The following AHR variants were observed in gnomAD, a reference collection of about 807,000 sequenced individuals.
AHR encodes AH-receptor.
A neutral mutation model predicts 86.8 loss-of-function variants in AHR; 40 were observed. The observed-to-expected ratio is 0.46, with a 90% confidence interval of 0.36 to 0.60. The LOEUF (loss-of-function observed/expected upper bound fraction) is 0.60, where lower values mean the gene tolerates loss of function less well. Ranked by LOEUF, AHR falls within the 20% of genes least tolerant of loss-of-function variation. AHR has a pLI of 0.00. For missense variants in AHR, 1,001 were observed against 1,011.6 expected (o/e 0.99, Z 0.14); for synonymous variants, 398 against 354.9 (o/e 1.12, Z -1.37).
chr7:17,299,379 G>T, intron 1 of AHR, 50 bp downstream of exon 1: 1 of 1,595,656 alleles, frequency 6.3e-7, no homozygotes, highest in South Asian at 1.1e-5. Context: ...GCTCAGGCAC[G>T]CGGGTGCGGG....
intron 2 of AHR, among the ~76,000 whole-genome samples, chr7:17,312,855 G>C (rs1032880019): frequency 6.6e-6 from 1 of 152,188 alleles, no homozygotes; most frequent in South Asian, 2.1e-4. Context: ...GCATGCCCCT[G>C]CTGATAACAA....
chr7:17,315,891 T>C (rs1039199313), intron 2 of AHR, among the ~76,000 whole-genome samples: 1 of 152,128 alleles, frequency 6.6e-6, no homozygotes, highest in African/African-American at 2.4e-5. Context: ...GTTTATTTGC[T>C]TATGGCTGGA....
chr7:17,308,237 G>A lies in AHR; in HGVS notation c.66-1699G>A, dbSNP rs183283948. On this transcript the variant is annotated intron_variant, in intron 1 of 10. Coordinates refer to ENST00000242057, the MANE Select transcript of AHR (RefSeq NM_001621.5). Reference sequence around the variant, plus strand: ...TCTTCTTTTCTCTCTTTCACCCTGTGCCTCTCCCTTCATGTGGGGGAATTC... The same window carrying A: ...TCTTCTTTTCTCTCTTTCACCCTGTACCTCTCCCTTCATGTGGGGGAATTC... 9.3e-4 allele frequency among the ~76,000 whole-genome samples: 141 copies of A among 152,190 alleles called. 1 individual carries two copies. The highest frequency in any genetic ancestry group is 3.3e-3 in the African/African-American group (138 of 41,540).
intron 2 of AHR, among the ~76,000 whole-genome samples, chr7:17,314,314 T>A (rs1260520279): frequency 1.3e-5 from 2 of 152,096 alleles, no homozygotes; most frequent in Non-Finnish European, 2.9e-5. Flanking sequence ...ATAATCACCA[T>A]TTTATAAAAT....
intron 8 of AHR, 28 bp downstream of exon 8, chr7:17,335,024 C>A: frequency 1.3e-6 from 2 of 1,528,576 alleles, no homozygotes; most frequent in Non-Finnish European, 1.8e-6. Context: ...ATGAACATGT[C>A]AGAAGAAAAC....
intron 1 of AHR, among the ~76,000 whole-genome samples, chr7:17,302,916 C>T (rs116722892): frequency 0.017 from 2,571 of 151,950 alleles, 73 homozygotes; most frequent in African/African-American, 0.059. Context: ...TCAATTCGCC[C>T]GTGAAACAGT....
At chr7:17,312,319 T>C (rs1321735293) in intron 2 of AHR, among the ~76,000 whole-genome samples, 1 of 152,204 alleles carries the variant, frequency 6.6e-6, no homozygotes, top group East Asian at 1.9e-4. Context: ...TACCTTTCCA[T>C]TTCTTGTTCC....
At chr7:17,335,825 T>G (rs1228669755) in intron 9 of AHR, 39 bp downstream of exon 9, 1 of 1,587,570 alleles carries the variant, frequency 6.3e-7, no homozygotes, top group Non-Finnish European at 8.6e-7. Context: ...ACAGTTTTGT[T>G]TTCATAAGTC....
At chr7:17,311,921 T>C (rs1368020475) in intron 2 of AHR, among the ~76,000 whole-genome samples, 2 of 152,190 alleles carry the variant, frequency 1.3e-5, no homozygotes, top group African/African-American at 2.4e-5. Flanking sequence ...GCACTGAGGA[T>C]TTTTTCCTAG....
chr7:17,340,566 T>C lies in AHR; in HGVS notation c.2403+338T>C, dbSNP rs186664344. Among the ~76,000 whole-genome samples the C allele has an allele frequency of 2.8e-3, 422 of 152,348 alleles. 2 individuals carry two copies. The highest frequency in any genetic ancestry group is 9.6e-3 in the African/African-American group (400 of 41,590). On this transcript the variant is annotated intron_variant, in intron 10 of 10. Transcript: ENST00000242057. ...AATAGATAATTTGGTTTATTCTTTC[T>C]GGATTCTTTAAAAATTATATGGCTA... is the stretch of plus-strand genomic sequence containing the variant.
At chr7:17,302,548 A>G (rs556850566) in intron 1 of AHR, among the ~76,000 whole-genome samples, 5 of 152,072 alleles carry the variant, frequency 3.3e-5, no homozygotes, top group South Asian at 2.1e-4. Context: ...TTTCTTTCCA[A>G]TAGCTTTAGA....
In AHR at chr7:17,340,181, A is replaced by G. The variant is rs72552769; in HGVS notation, c.2356A>G (p.Met786Val). The change falls in exon 10 of 11, where the codon ATG becomes GTG. Residue 786 changes from methionine (M) to valine (V), a missense_variant. By Grantham distance (21) the Met-to-Val change is conservative. Coordinates refer to ENST00000242057, the MANE Select transcript of AHR (RefSeq NM_001621.5). ...ACCTCAGCACACCCACGTGGGTCAGATGCAGTACAATCCAGTACTGCCAGG... is the reference window on the plus strand; with the variant it reads ...ACCTCAGCACACCCACGTGGGTCAGGTGCAGTACAATCCAGTACTGCCAGG... Reference protein sequence around the residue: ...PEPQHTHVGQMQYNPVLPGQQ... With the variant: ...PEPQHTHVGQVQYNPVLPGQQ... The G allele has an allele frequency of 3.1e-3, 4,988 of 1,614,178 alleles. 12 individuals carry two copies. Among genetic ancestry groups the G allele is most frequent in the Admixed American group, 4.5e-3 (270 of 60,020 alleles).
intron 2 of AHR, among the ~76,000 whole-genome samples, chr7:17,315,554 AT>A (rs939274519): frequency 4.0e-5 from 6 of 151,724 alleles, no homozygotes; most frequent in Admixed American, 6.6e-5. Context: ...ATTAGTCATC[AT>A]TTTTTTTCTT....
chr7:17,308,108 T>C (rs1782024281), intron 1 of AHR, among the ~76,000 whole-genome samples: 2 of 152,208 alleles, frequency 1.3e-5, no homozygotes. Flanking sequence ...GTAAGCTCCA[T>C]GACAACAGGA....
chr7:17,312,234 A>G (rs1159670303), intron 2 of AHR, among the ~76,000 whole-genome samples: 4 of 152,202 alleles, frequency 2.6e-5, no homozygotes, highest in African/African-American at 9.7e-5. Context: ...TGCCACCCTT[A>G]GAGATTCTGG....
rs748545788 is a variant in AHR at position 17,309,982 on chromosome 7, C to A, written c.112C>A (p.Arg38=). Residue 38 remains arginine (R), a synonymous_variant, in exon 2 of 11, where the codon CGG becomes AGG. Coordinates refer to ENST00000242057, the MANE Select transcript of AHR (RefSeq NM_001621.5). ...AGGAATCAAGTCAAATCCTTCCAAGCGGCATAGAGACCGACTTAATACAGA... is the reference window on the plus strand; with the variant it reads ...AGGAATCAAGTCAAATCCTTCCAAGAGGCATAGAGACCGACTTAATACAGA... ...AEGIKSNPSK[R]HRDRLNTELD... The A allele has an allele frequency of 1.9e-6, 3 of 1,607,240 alleles. No individual in the cohort carries two copies. The highest frequency in any genetic ancestry group is 1.7e-6 in the Non-Finnish European group (2 of 1,175,214).
intron 1 of AHR, among the ~76,000 whole-genome samples, chr7:17,306,963 AG>A (rs1782012199): frequency 6.6e-6 from 1 of 152,184 alleles, no homozygotes; most frequent in Non-Finnish European, 1.5e-5. Flanking sequence ...CATAGAAATA[AG>A]GGTGTTAGGC....
intron 1 of AHR, among the ~76,000 whole-genome samples, chr7:17,305,559 G>A (rs1781996937): frequency 6.6e-6 from 1 of 152,014 alleles, no homozygotes; most frequent in Non-Finnish European, 1.5e-5. Flanking sequence ...TACAGGGACT[G>A]GAAATAAAGA....
intron 2 of AHR, among the ~76,000 whole-genome samples, chr7:17,319,742 T>C (rs1424102278): frequency 6.6e-6 from 1 of 152,068 alleles, no homozygotes; most frequent in Non-Finnish European, 1.5e-5. Flanking sequence ...ATAGAGCCTC[T>C]AGTAATTTAC....
Sources: allele counts gnomAD v4.1 joint callset (sites outside exome capture counted in the v4.1 genomes callset), GRCh38; gene constraint gnomAD v4.1.1; transcripts MANE v1.5; gene names NCBI Gene and HGNC (gene_info 2026-07-23, HGNC 2026-07-21).